Variants in NEK10 observed in about 807,000 individuals in gnomAD.
NEK10 encodes NIMA related kinase 10.
Under a neutral mutation model 159.8 loss-of-function variants are expected in NEK10, and 122 were observed. The ratio of observed to expected loss-of-function variants is 0.76; its 90% confidence interval spans 0.66 to 0.89. The LOEUF (loss-of-function observed/expected upper bound fraction) is 0.89, where lower values mean the gene tolerates loss of function less well. Among genes scored for constraint, NEK10 ranks in the 40% least tolerant of loss-of-function variants. NEK10 has a pLI of 0.00. For synonymous variants in NEK10, 466 were observed against 457.1 expected (o/e 1.02, Z -0.25); for missense variants, 1,342 against 1,323.1 (o/e 1.01, Z -0.22).
intron 23 of NEK10, among the ~76,000 whole-genome samples, chr3:27,227,427 G>T (rs1228161347): frequency 6.6e-6 from 1 of 152,162 alleles, no homozygotes; most frequent in Non-Finnish European, 1.5e-5. Flanking sequence ...TTAGCATAAA[G>T]GTTAGAGTCA....
At chr3:27,238,454 A>G (rs1199577619) in intron 23 of NEK10, among the ~76,000 whole-genome samples, 3 of 152,212 alleles carry the variant, frequency 2.0e-5, no homozygotes, top group African/African-American at 7.2e-5. Flanking sequence ...TCTAATAAGA[A>G]AACAATATAA....
chr3:27,256,530 T>TA (rs943795512), intron 22 of NEK10, among the ~76,000 whole-genome samples, 159 bp from the exon 23 acceptor site: 7 of 152,212 alleles, frequency 4.6e-5, no homozygotes, highest in African/African-American at 9.6e-5. Context: ...TTTATCATTT[T>TA]AAAAAAACAT....
At chr3:27,156,280 T>C (rs1945408970) in intron 30 of NEK10, among the ~76,000 whole-genome samples, 2 of 151,702 alleles carry the variant, frequency 1.3e-5, no homozygotes. Context: ...GCAAATGCAA[T>C]AAAAACAAAG....
chr3:27,116,664 T>C (rs1284780468), intron 33 of NEK10, among the ~76,000 whole-genome samples: 2 of 152,074 alleles, frequency 1.3e-5, no homozygotes, highest in Admixed American at 1.3e-4. Flanking sequence ...ATTATTATTA[T>C]TATCATCATC....
Position 27,107,284 on chromosome 3 carries a change from T to A in NEK10, c.*3988A>T, listed in dbSNP as rs1939092584. On this transcript the variant is annotated 3_prime_UTR_variant, in exon 36 of 36. Transcript: ENST00000691995. ...CTCATAAAATCTTTCCTGTCCCTCTTGCAAATCTCAAAACAACATCACAGC... is the reference window on the plus strand; with the variant it reads ...CTCATAAAATCTTTCCTGTCCCTCTAGCAAATCTCAAAACAACATCACAGC... 6.6e-6 allele frequency among the ~76,000 whole-genome samples: 1 copy of A among 152,096 alleles called. No homozygotes were observed. The highest frequency in any genetic ancestry group is 1.5e-5 in the Non-Finnish European group (1 of 68,022).
chr3:27,308,592 T>G (rs1314148820), intron 10 of NEK10, among the ~76,000 whole-genome samples: 1 of 152,182 alleles, frequency 6.6e-6, no homozygotes, highest in African/African-American at 2.4e-5. Context: ...ATGTTAAAAT[T>G]CACAGGTAAG....
intron 30 of NEK10, among the ~76,000 whole-genome samples, chr3:27,153,977 T>C (rs1010849352): frequency 6.6e-5 from 10 of 151,800 alleles, no homozygotes; most frequent in African/African-American, 1.9e-4. Context: ...TTAAATGAAA[T>C]TGAAACAAAA....
chr3:27,243,988 C>G, intron 23 of NEK10, among the ~76,000 whole-genome samples: 1 of 152,120 alleles, frequency 6.6e-6, no homozygotes, highest in Non-Finnish European at 1.5e-5. Context: ...GAATACACAT[C>G]TCTCCTTCCC....
rs556487419 is a variant in NEK10 at position 27,122,367 on chromosome 3, G to A, written c.3082-2499C>T. Among the ~76,000 whole-genome samples the A allele has an allele frequency of 3.9e-5, 6 of 152,200 alleles. No individual in the cohort carries two copies. The South Asian group carries it at 8.3e-4, about 21-fold the overall frequency. On this transcript the variant is annotated intron_variant, in intron 32 of 35. Transcript: ENST00000691995. ...TTTGCTTTATAAATTACCAAGTCTC[G>A]GGCATTTCTTCATGCAGCCTGAGAA... is the stretch of plus-strand genomic sequence containing the variant.
intron 7 of NEK10, 65 bp from the exon 8 acceptor site, chr3:27,312,242 A>T: frequency 1.2e-6 from 1 of 859,914 alleles, no homozygotes; most frequent in Non-Finnish European, 1.8e-6. Context: ...AGCAAGGAAC[A>T]AGATGCTGCA....
intron 22 of NEK10, among the ~76,000 whole-genome samples, chr3:27,259,041 C>A (rs1294172125): frequency 6.6e-6 from 1 of 151,394 alleles, no homozygotes; most frequent in African/African-American, 2.4e-5. Flanking sequence ...CTGTTTATAT[C>A]CTTCACCCAC....
At chr3:27,247,800 ATTTTC>A (rs1264925682) in intron 23 of NEK10, among the ~76,000 whole-genome samples, 13 of 121,900 alleles carry the variant, frequency 1.1e-4, no homozygotes, top group East Asian at 2.3e-4. Flanking sequence ...TTTTCTTTTA[ATTTTC>A]TTTTCTTTTC....
chr3:27,353,919 G>C (rs1488033917), intron 1 of NEK10, among the ~76,000 whole-genome samples: 1 of 152,158 alleles, frequency 6.6e-6, no homozygotes, highest in Non-Finnish European at 1.5e-5. Context: ...AAAGAGAAGG[G>C]AGAAGGGAGA....
chr3:27,225,348 A>T (rs972102726), intron 23 of NEK10, among the ~76,000 whole-genome samples: 1 of 152,186 alleles, frequency 6.6e-6, no homozygotes, highest in Non-Finnish European at 1.5e-5. Flanking sequence ...CACAGACACA[A>T]CCAGGATCAA....
rs536245739 is a variant in NEK10 at position 27,106,775 on chromosome 3, A to G, written c.*4497T>C. On this transcript the variant is annotated 3_prime_UTR_variant, in exon 36 of 36. Coordinates refer to ENST00000691995, the MANE Select transcript of NEK10 (RefSeq NM_001394966.1). ...TTTCATTTGTGAACTCACCATATCAATTCCAAGTATCCATCTGGATTTGTT... is the reference window on the plus strand; with the variant it reads ...TTTCATTTGTGAACTCACCATATCAGTTCCAAGTATCCATCTGGATTTGTT... Among the ~76,000 whole-genome samples, 1 of 152,318 alleles carries G rather than the reference A, an allele frequency of 6.6e-6. No individual in the cohort carries two copies. Among genetic ancestry groups the G allele is most frequent in the South Asian group, 2.1e-4 (1 of 4,822 alleles).
At chr3:27,260,765 T>A (rs1266760789) in intron 22 of NEK10, among the ~76,000 whole-genome samples, 1 of 152,194 alleles carries the variant, frequency 6.6e-6, no homozygotes, top group Non-Finnish European at 1.5e-5. Context: ...CCCTCTTTTT[T>A]TTATTGATTG....
chr3:27,203,494 T>C (rs2149047638), intron 23 of NEK10, among the ~76,000 whole-genome samples: 1 of 152,314 alleles, frequency 6.6e-6, no homozygotes, highest in South Asian at 2.1e-4. Flanking sequence ...AAGGCGAGTG[T>C]AGTTCCCTTG....
intron 32 of NEK10, among the ~76,000 whole-genome samples, chr3:27,127,185 C>A (rs1942061200): frequency 6.6e-6 from 1 of 152,092 alleles, no homozygotes; most frequent in South Asian, 2.1e-4. Flanking sequence ...GTCTCACTCT[C>A]AAGAATTGGA....
At chr3:27,276,505 A>T (rs1018431006) in intron 22 of NEK10, among the ~76,000 whole-genome samples, 1 of 152,206 alleles carries the variant, frequency 6.6e-6, no homozygotes, top group Non-Finnish European at 1.5e-5. Flanking sequence ...AGGAGCAAGG[A>T]GGAGATTACG....
Sources: allele counts gnomAD v4.1 joint callset (sites outside exome capture counted in the v4.1 genomes callset), GRCh38; gene constraint gnomAD v4.1.1; transcripts MANE v1.5; gene names NCBI Gene and HGNC (gene_info 2026-07-23, HGNC 2026-07-21).